The following FOXO1 variants were observed in gnomAD, a reference collection of about 807,000 sequenced individuals.
FOXO1 encodes the protein forkhead box protein O1.
Under a neutral mutation model 44.1 loss-of-function variants are expected in FOXO1, and 6 were observed. The ratio of observed to expected loss-of-function variants is 0.14; its 90% CI spans 0.07 to 0.27. The LOEUF (loss-of-function observed/expected upper bound fraction) is 0.27. Ranked by LOEUF, FOXO1 falls within the 10% of genes least tolerant of loss-of-function variation. The pLI, the probability that FOXO1 is intolerant of heterozygous loss-of-function variation, is 1.00. For missense variants in FOXO1, 737 were observed against 888.8 expected (o/e 0.83, Z 2.17); for synonymous variants, 380 against 362.7 (o/e 1.05, Z -0.54).
rs755787652 is a variant in FOXO1 at position 40,560,879 on chromosome 13, T to C, written c.631-19A>G. The C allele has an allele frequency of 8.9e-6, 14 of 1,577,966 alleles. No homozygotes were observed. In the South Asian group the frequency reaches 1.6e-4, roughly 18 times the overall value. On this transcript the variant is annotated intron_variant, in intron 1 of 2. Coordinates refer to ENST00000379561, the MANE Select transcript of FOXO1 (RefSeq NM_002015.4). This position sits in a 1 kb window ranked among gnomAD's most constrained non-coding sequence, Gnocchi z 5.1. The stretch of plus-strand genomic sequence containing the variant: ...TTGAATTCTGTAAGGCAAAACATCT[T>C]ATTAGAAGTACAATACTTCTCTGCT...
chr13:40,651,110 TG>T lies in FOXO1; in HGVS notation c.630+14472del, dbSNP rs66832392. On this transcript the variant is annotated intron_variant, in intron 1 of 2. Transcript: ENST00000379561. ...TTTTTTGTTTTTTGTTTTTTGTTTT[TG>T]TTTTTTTTTAAGAAACATGGTCCCA... Among the ~76,000 whole-genome samples, 1,019 of 147,888 alleles carry T rather than the reference TG, an allele frequency of 6.9e-3. 6 individuals carry two copies. Among genetic ancestry groups the T allele is most frequent in the East Asian group, 0.021 (105 of 5,092 alleles).
chr13:40,560,387 G>A lies in FOXO1; in HGVS notation c.1104C>T (p.Pro368=), dbSNP rs752627269. 56 of 1,613,986 alleles carry A rather than the reference G, an allele frequency of 3.5e-5. No individual in the cohort carries two copies. The East Asian group carries it at 5.8e-4, about 17-fold the overall frequency. Residue 368 remains proline (P), a synonymous_variant, in exon 2 of 3, where the codon CCC becomes CCT. Transcript: ENST00000379561. This position sits in a 1 kb window ranked among gnomAD's most constrained non-coding sequence, Gnocchi z 5.1. The part of the protein sequence containing the change: ...TLPSLSEISN[P]ENMENLLDNL... ...TATCCAAAAGATTTTCCATGTTTTC[G>A]GGATTGCTTATCTCAGACAGACTGG...
chr13:40,642,481 A>G (rs977209778), intron 1 of FOXO1, among the ~76,000 whole-genome samples: 1 of 152,252 alleles, frequency 6.6e-6, no homozygotes, highest in Non-Finnish European at 1.5e-5. Context: ...ATTTACATCT[A>G]TACATCCAGA....
chr13:40,618,350 A>G (rs1347137269), intron 1 of FOXO1, among the ~76,000 whole-genome samples: 2 of 152,230 alleles, frequency 1.3e-5, no homozygotes, highest in African/African-American at 2.4e-5. Context: ...AGCTGGGATT[A>G]TAGGCATGAG....
rs530146139 is a variant in FOXO1, at chr13:40,621,433, T to C, written c.630+44150A>G. ...TTTTGCTGAGTTACTTGTGATGAGC[T>C]AACTAGGATGAAAAATAACAGATTA... On this transcript the variant is annotated intron_variant, in intron 1 of 2. Transcript: ENST00000379561. The C allele has an allele frequency of 8.5e-5, 20 of 234,480 alleles. No homozygotes were observed. In the South Asian group the frequency reaches 2.4e-3, roughly 28 times the overall value. The allele number at this position is 234,480 out of a possible 1,614,324, so 14.5% of individuals were successfully genotyped here.
chr13:40,646,836 C>T (rs1268884911), intron 1 of FOXO1, among the ~76,000 whole-genome samples: 3 of 152,004 alleles, frequency 2.0e-5, no homozygotes, highest in African/African-American at 7.3e-5. Context: ...TCAAGTGATC[C>T]ACCTGCCTCA....
At position 40,592,802 on chromosome 13, in the gene FOXO1, T is replaced by C. The variant is rs1048119210; in HGVS notation, c.631-31942A>G. The stretch of plus-strand genomic sequence containing the variant: ...TTTACACTTTATTGCTTCACAGTGA[T>C]GGCAGGCCCCTATTGTCTTCCCAAG... On this transcript the variant is annotated intron_variant, in intron 1 of 2. Coordinates refer to ENST00000379561, the MANE Select transcript of FOXO1 (RefSeq NM_002015.4). Among the ~76,000 whole-genome samples, 3 of 152,200 alleles carry C rather than the reference T, an allele frequency of 2.0e-5. 1 individual carries two copies. The South Asian group carries it at 6.2e-4, about 32-fold the overall frequency.
chr13:40,664,959 C>T (rs940816491), intron 1 of FOXO1, among the ~76,000 whole-genome samples: 17 of 151,870 alleles, frequency 1.1e-4, no homozygotes, highest in Admixed American at 3.3e-4. Flanking sequence ...GGGCTCGGGA[C>T]GCCGGGCCCC....
intron 1 of FOXO1, chr13:40,619,389 G>T: frequency 1.4e-6 from 1 of 733,580 alleles, no homozygotes; most frequent in South Asian, 1.5e-5. Context: ...TAGCATAGTT[G>T]AACACCTTTC....
In FOXO1 at chr13:40,665,916, G is replaced by GGCGGCCGCC. The variant is rs1340903824; in HGVS notation, c.288_296dup (p.Ala100_Ala102dup). ...CGCACAGCCCCCCGGTGGCGGCCGCGGCGGCCGCCGCCGCCACCGCCGCCG... is the reference window on the plus strand; with the variant it reads ...CGCACAGCCCCCCGGTGGCGGCCGCGGCGGCCGCCGCGGCCGCCGCCGCCACCGCCGCCG... On this transcript the variant is annotated inframe_insertion, in exon 1 of 3. Coordinates refer to ENST00000379561, the MANE Select transcript of FOXO1 (RefSeq NM_002015.4). 8.4e-7 allele frequency: 1 copy of GGCGGCCGCC among 1,194,080 alleles called. No homozygotes were observed. The highest frequency in any genetic ancestry group is 1.0e-6 in the Non-Finnish European group (1 of 966,724). 74.0% of individuals were successfully genotyped at this position (1,194,080 alleles called of 1,614,324 possible).
In FOXO1 at chr13:40,665,589, G is replaced by A; in HGVS notation, c.624C>T (p.Gly208=). The A allele has an allele frequency of 7.0e-7, 1 of 1,421,826 alleles. No homozygotes were observed. Among genetic ancestry groups the A allele is most frequent in the Non-Finnish European group, 9.3e-7 (1 of 1,070,308 alleles). The allele number at this position is 1,421,826 out of a possible 1,614,324, so 88.1% of individuals were successfully genotyped here. A position where few individuals can be genotyped will look rare whatever the true frequency, so the allele number is the denominator to read the frequency against. ...KDKGDSNSSA[G]WKNSIRHNLS... is the part of the protein sequence containing the mutation. Reference sequence around the variant, plus strand: ...GCGCGCCGAGTCCACTCACCTTCCAGCCCGCCGAGCTGTTGCTGTCACCCT... The same window carrying A: ...GCGCGCCGAGTCCACTCACCTTCCAACCCGCCGAGCTGTTGCTGTCACCCT... Residue 208 remains glycine, a synonymous_variant, in exon 1 of 3, where the codon GGC becomes GGT. Coordinates refer to ENST00000379561, the MANE Select transcript of FOXO1 (RefSeq NM_002015.4).
intron 1 of FOXO1, among the ~76,000 whole-genome samples, chr13:40,562,972 T>C (rs1238088493): frequency 2.0e-5 from 3 of 152,222 alleles, no homozygotes; most frequent in Admixed American, 2.0e-4. Flanking sequence ...GCCTCTTTCC[T>C]CAGAGGTCTG....
At position 40,665,559 on chromosome 13, in the gene FOXO1, C is replaced by G. The variant is rs777794541; in HGVS notation, c.630+24G>C. 10 of 1,361,862 alleles carry G rather than the reference C, an allele frequency of 7.3e-6. No homozygotes were observed. In the Admixed American group the frequency reaches 2.3e-4, roughly 31 times the overall value. The allele number at this position is 1,361,862 out of a possible 1,614,324, so 84.4% of individuals were successfully genotyped here. ...CCTGACCCACCGCGCCCCCAAGGTC[C>G]GGCCGCGCGCCGAGTCCACTCACCT... On this transcript the variant is annotated intron_variant, in intron 1 of 2. Coordinates refer to ENST00000379561, the MANE Select transcript of FOXO1 (RefSeq NM_002015.4).
intron 1 of FOXO1, among the ~76,000 whole-genome samples, chr13:40,651,864 T>C (rs1463163322): frequency 1.3e-5 from 2 of 152,108 alleles, no homozygotes; most frequent in Admixed American, 6.6e-5. Context: ...ATTCAACGTA[T>C]GTAAATGTCA....
At chr13:40,652,324 C>T (rs1156490840) in intron 1 of FOXO1, among the ~76,000 whole-genome samples, 2 of 142,094 alleles carry the variant, frequency 1.4e-5, no homozygotes, top group African/African-American at 2.6e-5. Flanking sequence ...GAGTCTCTGT[C>T]GCCCAGGCTG....
At chr13:40,646,335 A>G (rs1877510285) in intron 1 of FOXO1, among the ~76,000 whole-genome samples, 2 of 138,190 alleles carry the variant, frequency 1.4e-5, no homozygotes, top group South Asian at 2.3e-4. Context: ...TCTGTCATCC[A>G]GGCTGGAGTG....
At chr13:40,644,518 A>G (rs1877452709) in intron 1 of FOXO1, among the ~76,000 whole-genome samples, 1 of 152,216 alleles carries the variant, frequency 6.6e-6, no homozygotes. Flanking sequence ...GAGAAAAAAA[A>G]TCACAATGTT....
At chr13:40,565,781 A>G (rs973530116) in intron 1 of FOXO1, among the ~76,000 whole-genome samples, 1 of 152,216 alleles carries the variant, frequency 6.6e-6, no homozygotes, top group Non-Finnish European at 1.5e-5. Context: ...TGTTATCACT[A>G]CTGGCATAAT....
Position 40,633,649 on chromosome 13 carries a change from T to C in FOXO1, c.630+31934A>G, listed in dbSNP as rs375100197. 5.3e-5 allele frequency among the ~76,000 whole-genome samples: 8 copies of C among 152,270 alleles called. 1 individual carries two copies. The East Asian group carries it at 1.3e-3, about 26-fold the overall frequency. On this transcript the variant is annotated intron_variant, in intron 1 of 2. Coordinates refer to ENST00000379561, the MANE Select transcript of FOXO1 (RefSeq NM_002015.4). Reference sequence around the variant, plus strand: ...GGGAGTGACTGGTAGTAGATTTCTTTAGGGATGATAAAAATGAAAATTGTG... The same window carrying C: ...GGGAGTGACTGGTAGTAGATTTCTTCAGGGATGATAAAAATGAAAATTGTG...
Sources: gnomAD v4.1 joint callset for allele counts (sites outside exome capture counted in the v4.1 genomes callset) on GRCh38, gnomAD v4.1.1 for gene constraint, Gnocchi (gnomAD v3.1) non-coding constraint, MANE v1.5 for transcripts, NCBI Gene and HGNC (gene_info 2026-07-23, HGNC 2026-07-21) for gene names.